Variants in MAPKAP1 observed in about 807,000 individuals in gnomAD.
MAPKAP1 encodes target of rapamycin complex 2 subunit MAPKAP1.
In MAPKAP1, 20 loss-of-function variants were observed where a neutral mutation model predicts 65.7. That is an observed-to-expected ratio of 0.30 (90% CI 0.21 to 0.44). MAPKAP1 has a LOEUF of 0.44. Among genes scored for constraint, MAPKAP1 ranks in the 20% least tolerant of loss-of-function variants. The pLI, the probability that MAPKAP1 is intolerant of heterozygous loss-of-function variation, is 1.00. For synonymous variants in MAPKAP1, 222 were observed against 244.3 expected (o/e 0.91, Z 0.85); for missense variants, 423 against 648.0 (o/e 0.65, Z 3.77).
At chr9:125,454,816 C>T (rs1853106895) in intron 10 of MAPKAP1, among the ~76,000 whole-genome samples, 1 of 152,014 alleles carries the variant, frequency 6.6e-6, no homozygotes, top group Non-Finnish European at 1.5e-5. Flanking sequence ...GATAACCAAG[C>T]AAGGATGAAA....
At chr9:125,491,619 A>T (rs1258407628) in intron 8 of MAPKAP1, among the ~76,000 whole-genome samples, 3 of 151,736 alleles carry the variant, frequency 2.0e-5, no homozygotes, top group Non-Finnish European at 2.9e-5. Flanking sequence ...TCTACAAAAA[A>T]TACAAAAAAA....
intron 7 of MAPKAP1, among the ~76,000 whole-genome samples, chr9:125,520,171 C>A (rs1829580374): frequency 6.6e-6 from 1 of 152,204 alleles, no homozygotes; most frequent in South Asian, 2.1e-4. Context: ...TAAAAATGGG[C>A]ATCTATATCT....
chr9:125,699,090 T>C (rs568307011), intron 1 of MAPKAP1, among the ~76,000 whole-genome samples: 2 of 152,334 alleles, frequency 1.3e-5, no homozygotes, highest in South Asian at 2.1e-4. Flanking sequence ...TCTTTGAATT[T>C]TGGAATATTT....
intron 10 of MAPKAP1, among the ~76,000 whole-genome samples, chr9:125,451,805 G>A (rs962982059): frequency 1.9e-4 from 26 of 137,568 alleles, no homozygotes; most frequent in African/African-American, 6.8e-4. Flanking sequence ...TCTACTCACA[G>A]GAGTTTTTTT....
chr9:125,592,612 T>C (rs570179328), intron 4 of MAPKAP1, among the ~76,000 whole-genome samples: 3 of 152,232 alleles, frequency 2.0e-5, no homozygotes, highest in Admixed American at 2.0e-4. Flanking sequence ...ATTAAGAACA[T>C]ACTATGTGCT....
chr9:125,604,241 C>T (rs775938118), intron 4 of MAPKAP1, among the ~76,000 whole-genome samples: 20 of 152,180 alleles, frequency 1.3e-4, no homozygotes, highest in Non-Finnish European at 2.6e-4. Context: ...TATTTAAATA[C>T]AATGTAAATA....
chr9:125,692,302 C>T (rs1364610875), intron 1 of MAPKAP1, among the ~76,000 whole-genome samples: 1 of 152,130 alleles, frequency 6.6e-6, no homozygotes, highest in Non-Finnish European at 1.5e-5. Context: ...AAATGTGGTA[C>T]AGACATACAA....
intron 4 of MAPKAP1, among the ~76,000 whole-genome samples, chr9:125,599,055 A>T (rs991901039): frequency 6.6e-6 from 1 of 151,692 alleles, no homozygotes; most frequent in Non-Finnish European, 1.5e-5. Context: ...AAAAGACTTC[A>T]TGTAAAGCAC....
rs550018717 is a variant in MAPKAP1 at position 125,484,710 on chromosome 9, G to A, written c.1067-127C>T. 8 of 872,120 alleles carry A rather than the reference G, an allele frequency of 9.2e-6. No individual in the cohort carries two copies. In the South Asian group the frequency reaches 1.2e-4, roughly 13 times the overall value. The allele number at this position is 872,120 out of a possible 1,614,324, so 54.0% of individuals were successfully genotyped here. A position where few individuals can be genotyped will look rare whatever the true frequency, so the allele number is the denominator to read the frequency against. ...TAATTTGGAGAAGAAAAGGCTGAGC[G>A]ATGACTTAATAATGCCATTCCAGTA... On this transcript the variant is annotated intron_variant, in intron 8 of 11. Coordinates refer to ENST00000265960, the MANE Select transcript of MAPKAP1 (RefSeq NM_001006617.3).
chr9:125,579,452 C>T (rs1379859430), intron 5 of MAPKAP1, among the ~76,000 whole-genome samples: 4 of 152,174 alleles, frequency 2.6e-5, no homozygotes, highest in Non-Finnish European at 4.4e-5. Context: ...CCACCACCCC[C>T]GGCTAATTTT....
At chr9:125,506,523 T>G (rs1829147447) in intron 7 of MAPKAP1, 106 bp from the exon 8 acceptor site, 1 of 912,956 alleles carries the variant, frequency 1.1e-6, no homozygotes, top group African/African-American at 1.6e-5. Flanking sequence ...CTTAGTAAAG[T>G]GTTAAAGTCT....
intron 6 of MAPKAP1, among the ~76,000 whole-genome samples, chr9:125,554,526 C>T (rs753216121): frequency 6.7e-6 from 1 of 148,830 alleles, no homozygotes; most frequent in Non-Finnish European, 1.5e-5. Flanking sequence ...AGGTTAGGAG[C>T]GGTGGCTCAT....
intron 11 of MAPKAP1, among the ~76,000 whole-genome samples, chr9:125,440,182 T>A (rs996733103): frequency 6.6e-6 from 1 of 152,278 alleles, no homozygotes; most frequent in South Asian, 2.1e-4. Context: ...GTGAAATCAG[T>A]GGTGGCAACT....
At chr9:125,553,645 A>C (rs78596275) in intron 6 of MAPKAP1, among the ~76,000 whole-genome samples, 1 of 152,188 alleles carries the variant, frequency 6.6e-6, no homozygotes, top group Non-Finnish European at 1.5e-5. Context: ...CCATTTGTCT[A>C]TGTAGTCTAC....
intron 5 of MAPKAP1, among the ~76,000 whole-genome samples, chr9:125,573,344 G>A (rs1831297797): frequency 6.6e-6 from 1 of 152,192 alleles, no homozygotes. Flanking sequence ...GTGACCTCTG[G>A]TCATCCTCAC....
At chr9:125,634,102 C>T (rs1165036904) in intron 4 of MAPKAP1, among the ~76,000 whole-genome samples, 3 of 152,166 alleles carry the variant, frequency 2.0e-5, no homozygotes, top group Non-Finnish European at 4.4e-5. Flanking sequence ...ACGCCTTAGC[C>T]CACTGCTTTG....
intron 4 of MAPKAP1, among the ~76,000 whole-genome samples, chr9:125,641,645 C>G (rs184292892): frequency 6.6e-6 from 1 of 152,158 alleles, no homozygotes; most frequent in African/African-American, 2.4e-5. Flanking sequence ...GCAGCTCACA[C>G]CTGTAATCCC....
chr9:125,550,062 A>G (rs1830542007), intron 6 of MAPKAP1, among the ~76,000 whole-genome samples: 1 of 152,200 alleles, frequency 6.6e-6, no homozygotes, highest in African/African-American at 2.4e-5. Flanking sequence ...TTCTGTTCAA[A>G]TATGTCCTGC....
At chr9:125,657,546 T>C in intron 4 of MAPKAP1, 105 bp downstream of exon 4, 1 of 1,030,856 alleles carries the variant, frequency 9.7e-7, no homozygotes, top group Non-Finnish European at 1.4e-6. Context: ...TGTCAACTGA[T>C]ATTCTACAAA....
Sources: gnomAD v4.1 joint callset for allele counts (sites outside exome capture counted in the v4.1 genomes callset) on GRCh38, gnomAD v4.1.1 for gene constraint, MANE v1.5 for transcripts, NCBI Gene and HGNC (gene_info 2026-07-23, HGNC 2026-07-21) for gene names.